EYA3: variants seen among roughly 807,000 people sequenced by gnomAD.
EYA3 encodes the protein protein phosphatase EYA3.
In EYA3, 39 loss-of-function variants were observed where a neutral mutation model predicts 80.0. The observed-to-expected ratio is 0.49, with a 90% confidence interval of 0.38 to 0.64. The LOEUF (loss-of-function observed/expected upper bound fraction) is 0.64, where lower values mean the gene tolerates loss of function less well. Among genes scored for constraint, EYA3 ranks in the 30% least tolerant of loss-of-function variants. The pLI, the probability that EYA3 is intolerant of heterozygous loss-of-function variation, is 0.00. For synonymous variants in EYA3, 206 were observed against 232.8 expected (o/e 0.88, Z 1.05); for missense variants, 523 against 676.1 (o/e 0.77, Z 2.51).
At chr1:28,050,850 C>A (rs994965975) in intron 2 of EYA3, among the ~76,000 whole-genome samples, 1 of 152,082 alleles carries the variant, frequency 6.6e-6, no homozygotes, top group African/African-American at 2.4e-5. Context: ...AGTATCAGTT[C>A]AAACAATACA....
At chr1:28,017,111 G>T in intron 8 of EYA3, 43 bp downstream of exon 8, 2 of 1,508,082 alleles carry the variant, frequency 1.3e-6, no homozygotes, top group Non-Finnish European at 1.8e-6. Context: ...AGAGCAAGCT[G>T]GATGAACTCT....
intron 3 of EYA3, among the ~76,000 whole-genome samples, chr1:28,044,274 T>A (rs1325254212): frequency 6.6e-6 from 1 of 152,226 alleles, no homozygotes; most frequent in Non-Finnish European, 1.5e-5. Flanking sequence ...CATATTCTAT[T>A]CTGCCAATAA....
chr1:27,972,054 T>A lies in EYA3; in HGVS notation c.*2412A>T, dbSNP rs1392329257. On this transcript the variant is annotated 3_prime_UTR_variant, in exon 18 of 18. Coordinates refer to ENST00000373871, the MANE Select transcript of EYA3 (RefSeq NM_001990.4). ...ATGATAAAAGTGAGTTCAAGTTACA[T>A]TCTAAAATAAAGAGCTCCCAAAAGG... 1 of 152,190 alleles carries A rather than the reference T, an allele frequency of 6.6e-6. No individual in the cohort carries two copies. The highest frequency in any genetic ancestry group is 1.5e-5 in the Non-Finnish European group (1 of 68,042). The allele number at this position is 152,190 out of a possible 1,614,324, so 9.4% of individuals were successfully genotyped here.
intron 1 of EYA3, among the ~76,000 whole-genome samples, 175 bp downstream of exon 1, chr1:28,088,349 T>C (rs1417264253): frequency 1.3e-4 from 19 of 151,372 alleles, no homozygotes; most frequent in Admixed American, 1.2e-3. Flanking sequence ...TAAGCTGAGG[T>C]GAATAAGGCG....
In EYA3 at chr1:28,011,042, T is replaced by C. The variant is rs776579666; in HGVS notation, c.814A>G (p.Lys272Glu). Residue 272 changes from lysine to glutamate, a missense_variant, in exon 10 of 18, where the codon AAA becomes GAA. Around this residue, in one of 2 missense-constraint regions of EYA3, gnomAD observed 304 missense variants for 343.3 expected, o/e 0.89. Coordinates refer to ENST00000373871, the MANE Select transcript of EYA3 (RefSeq NM_001990.4). ...SPSLSQTTPS[K>E]DTDDQSRKNM... The stretch of plus-strand genomic sequence containing the variant: ...TTCCTGGACTGATCATCAGTATCTT[T>C]ACTTGGTGTAGTCTGGGACAAAGAT... The C allele has an allele frequency of 5.0e-6, 8 of 1,613,950 alleles. No individual in the cohort carries two copies. Among genetic ancestry groups the C allele is most frequent in the African/African-American group, 4.0e-5 (3 of 74,924 alleles).
At chr1:27,990,830 T>C (rs1446293744) in intron 14 of EYA3, among the ~76,000 whole-genome samples, 3 of 151,772 alleles carry the variant, frequency 2.0e-5, no homozygotes, top group African/African-American at 7.3e-5. Context: ...GGATTACAGG[T>C]GTGAGCCACC....
intron 2 of EYA3, among the ~76,000 whole-genome samples, chr1:28,048,628 G>T (rs568139628): frequency 6.6e-6 from 1 of 152,020 alleles, no homozygotes; most frequent in South Asian, 2.1e-4. Flanking sequence ...TGAAAAAAGT[G>T]TTCTTCTGAT....
rs374689783 is a variant in EYA3, at chr1:28,009,639, A to AAACAACAACAACAAC, written c.909+1293_909+1307dup. On this transcript the variant is annotated intron_variant, in intron 10 of 17. Coordinates refer to ENST00000373871, the MANE Select transcript of EYA3 (RefSeq NM_001990.4). The surrounding 1 kb of genome is among the most constrained non-coding windows in gnomAD (Gnocchi z 4.8). Reference sequence around the variant, plus strand: ...CACTCCAGCCTGAGACTCCATCTCAAAACAACAACAACAACAACAACAACA... The same window carrying AAACAACAACAACAAC: ...CACTCCAGCCTGAGACTCCATCTCAAAACAACAACAACAACAACAACAACAACAACAACAACAACA... 0.065 allele frequency among the ~76,000 whole-genome samples: 6,981 copies of AAACAACAACAACAAC among 108,184 alleles called. 192 individuals carry two copies. Among genetic ancestry groups the AAACAACAACAACAAC allele is most frequent in the Non-Finnish European group, 0.092 (4,311 of 46,858 alleles). 71.0% of individuals were successfully genotyped at this position (108,184 alleles called of 152,430 possible). A position where few individuals can be genotyped will look rare whatever the true frequency, so the allele number is the denominator to read the frequency against.
intron 11 of EYA3, among the ~76,000 whole-genome samples, chr1:28,002,900 C>T (rs1477878957): frequency 6.6e-6 from 1 of 151,744 alleles, no homozygotes; most frequent in Non-Finnish European, 1.5e-5. Flanking sequence ...GCAGGCGGAT[C>T]ACTTGAGGCT....
intron 7 of EYA3, among the ~76,000 whole-genome samples, chr1:28,021,382 A>AT (rs895467111): frequency 6.4e-4 from 96 of 150,790 alleles, no homozygotes; most frequent in African/African-American, 2.2e-3. Flanking sequence ...ACAGTGATCA[A>AT]TTTTTTTTTC....
rs1641810616 is a variant in EYA3 at position 28,013,178 on chromosome 1, T to G, written c.702A>C (p.Ala234=). ...TAGGCTTCTCCGACTGGTATGTGGT[T>G]GCTGCTAATGTGGTGCTCTCTGCAT... ...NSDAESTTLA[A]TTYQSEKPSV... Residue 234 remains alanine, a synonymous_variant, in exon 9 of 18, where the codon GCA becomes GCC. Coordinates refer to ENST00000373871, the MANE Select transcript of EYA3 (RefSeq NM_001990.4). The surrounding 1 kb of genome is among the most constrained non-coding windows in gnomAD (Gnocchi z 4.0). 11 of 1,614,124 alleles carry G rather than the reference T, an allele frequency of 6.8e-6. No homozygotes were observed. The highest frequency in any genetic ancestry group is 7.6e-6 in the Non-Finnish European group (9 of 1,180,006).
intron 1 of EYA3, among the ~76,000 whole-genome samples, chr1:28,066,567 T>C (rs1644843482): frequency 6.6e-6 from 1 of 151,836 alleles, no homozygotes; most frequent in Non-Finnish European, 1.5e-5. Flanking sequence ...TATAAATATA[T>C]TAAAAAACTA....
In EYA3 at chr1:27,974,310, G is replaced by GGAGGGAGAGAGGGAGAGA. The variant is rs1553135878; in HGVS notation, c.*138_*155dup. The stretch of plus-strand genomic sequence containing the variant: ...GAGAGGGAGGGAGAGAGGAAGGGAG[G>GGAGGGAGAGAGGGAGAGA]GAGGGAGAGAGGGAGAGAGAGAAAG... On this transcript the variant is annotated 3_prime_UTR_variant, in exon 18 of 18. Transcript: ENST00000373871. 1.0e-5 allele frequency: 5 copies of GGAGGGAGAGAGGGAGAGA among 478,616 alleles called. No homozygotes were observed. In the East Asian group the frequency reaches 1.7e-4, roughly 16 times the overall value. 29.6% of individuals were successfully genotyped at this position (478,616 alleles called of 1,614,324 possible).
intron 1 of EYA3, among the ~76,000 whole-genome samples, chr1:28,075,052 C>T (rs1355661611): frequency 6.6e-6 from 1 of 152,202 alleles, no homozygotes; most frequent in Non-Finnish European, 1.5e-5. Context: ...AGCCTAACTA[C>T]ATGTGTTAGG....
intron 1 of EYA3, among the ~76,000 whole-genome samples, chr1:28,060,234 C>T (rs534639064): frequency 6.6e-6 from 1 of 152,288 alleles, no homozygotes; most frequent in African/African-American, 2.4e-5. Flanking sequence ...TGTGTATACA[C>T]ACTCAATAAT....
At chr1:28,081,277 T>C (rs1645419322) in intron 1 of EYA3, among the ~76,000 whole-genome samples, 1 of 152,178 alleles carries the variant, frequency 6.6e-6, no homozygotes, top group Non-Finnish European at 1.5e-5. Flanking sequence ...AGATGGCCTA[T>C]TCTCTTTGTG....
intron 11 of EYA3, among the ~76,000 whole-genome samples, chr1:28,001,059 T>C (rs1640802219): frequency 6.6e-6 from 1 of 152,016 alleles, no homozygotes; most frequent in African/African-American, 2.4e-5. Context: ...AGTGAGACTC[T>C]GTCTCAAAGT....
chr1:28,003,160 C>G (rs1162796004), intron 11 of EYA3, among the ~76,000 whole-genome samples: 1 of 150,548 alleles, frequency 6.6e-6, no homozygotes, highest in Non-Finnish European at 1.5e-5. Context: ...GTCCTAGCTA[C>G]TGGGGAGGCT....
chr1:28,021,707 G>A (rs550288844), intron 7 of EYA3, among the ~76,000 whole-genome samples: 5 of 151,784 alleles, frequency 3.3e-5, no homozygotes, highest in Admixed American at 6.6e-5. Flanking sequence ...TGGTTCAGGC[G>A]ATTCTCGTGC....
Sources: allele counts gnomAD v4.1 joint callset (sites outside exome capture counted in the v4.1 genomes callset), GRCh38; gene constraint gnomAD v4.1.1; regional missense constraint gnomAD v4.1.1; non-coding constraint Gnocchi (gnomAD v3.1); transcripts MANE v1.5; gene names NCBI Gene and HGNC (gene_info 2026-07-23, HGNC 2026-07-21).